The following TEK variants were observed in gnomAD, a reference collection of about 807,000 sequenced individuals.
TEK encodes angiopoietin-1 receptor.
In TEK, 43 loss-of-function variants were observed where a neutral mutation model predicts 131.8. The observed-to-expected ratio is 0.33, with a 90% CI of 0.26 to 0.42. The LOEUF (loss-of-function observed/expected upper bound fraction) is 0.42, where lower values mean the gene tolerates loss of function less well. TEK is among the 10% of genes least tolerant of loss of function. The probability of loss-of-function intolerance (pLI) is 1.00; values close to 1 mark genes in which losing one functional copy is unlikely to be tolerated. For missense variants in TEK, 1,162 were observed against 1,384.4 expected (o/e 0.84, Z 2.55); for synonymous variants, 580 against 491.6 (o/e 1.18, Z -2.38).
intron 21 of TEK, among the ~76,000 whole-genome samples, chr9:27,225,041 A>G (rs1219331748): frequency 6.6e-6 from 1 of 152,222 alleles, no homozygotes; most frequent in Non-Finnish European, 1.5e-5. Flanking sequence ...CTAGGAATCC[A>G]ACTTACAAGG....
chr9:27,164,816 A>G (rs1453314421), intron 2 of TEK, among the ~76,000 whole-genome samples: 1 of 152,216 alleles, frequency 6.6e-6, no homozygotes, highest in Non-Finnish European at 1.5e-5. Flanking sequence ...GATTAGAAGC[A>G]TGAGCCACCG....
chr9:27,160,110 C>T (rs190358982), intron 2 of TEK, among the ~76,000 whole-genome samples: 157 of 149,202 alleles, frequency 1.1e-3, no homozygotes, highest in Admixed American at 3.6e-3. Context: ...GCAGCCTTGA[C>T]CTCCCGGGCT....
intron 21 of TEK, among the ~76,000 whole-genome samples, chr9:27,225,895 A>AAAAC (rs1826304427): frequency 6.6e-6 from 1 of 151,946 alleles, no homozygotes; most frequent in African/African-American, 2.4e-5. Context: ...TTACAAGAAA[A>AAAAC]AAACAACCCC....
At chr9:27,113,650 T>C (rs1472018702) in intron 1 of TEK, among the ~76,000 whole-genome samples, 1 of 152,138 alleles carries the variant, frequency 6.6e-6, no homozygotes, top group African/African-American at 2.4e-5. Flanking sequence ...AGTGTTGCTA[T>C]GAGAACCACT....
chr9:27,186,640 C>T (rs1824608903), intron 9 of TEK, among the ~76,000 whole-genome samples: 1 of 152,196 alleles, frequency 6.6e-6, no homozygotes, highest in Non-Finnish European at 1.5e-5. Context: ...GATCTTCTGA[C>T]TCCAAACCCA....
intron 1 of TEK, among the ~76,000 whole-genome samples, chr9:27,140,364 G>A (rs1332905033): frequency 1.4e-5 from 2 of 143,218 alleles, no homozygotes; most frequent in Non-Finnish European, 3.0e-5. Flanking sequence ...AAGAAACAGG[G>A]ATCTGTTTGT....
chr9:27,133,066 G>A (rs903705697), intron 1 of TEK, among the ~76,000 whole-genome samples: 9 of 152,218 alleles, frequency 5.9e-5, no homozygotes, highest in African/African-American at 1.2e-4. Context: ...GGAAAGTAAA[G>A]TCACAGAACT....
chr9:27,167,737 C>T (rs1270520174), intron 2 of TEK, among the ~76,000 whole-genome samples: 3 of 152,234 alleles, frequency 2.0e-5, no homozygotes, highest in African/African-American at 2.4e-5. Flanking sequence ...ATTTGAGCAA[C>T]GCATGGGGCA....
Position 27,183,440 on chromosome 9 carries a change from T to G in TEK, c.1031-19T>G. The G allele has an allele frequency of 6.2e-7, 1 of 1,613,186 alleles. No homozygotes were observed. Among genetic ancestry groups the G allele is most frequent in the Non-Finnish European group, 8.5e-7 (1 of 1,179,254 alleles). On this transcript the variant is annotated intron_variant, in intron 7 of 22. Transcript: ENST00000380036. ...CTCTGTTAAATATTAGATTTCACAGTGCTGTTTTCTTCCTTCAGGCATACA... is the reference window on the plus strand; with the variant it reads ...CTCTGTTAAATATTAGATTTCACAGGGCTGTTTTCTTCCTTCAGGCATACA...
chr9:27,151,261 G>A lies in TEK; in HGVS notation c.53-6570G>A, dbSNP rs528134748. Reference sequence around the variant, plus strand: ...ATTAAAGTGTTGGAAACATGCCTGGGAACTGGATTTCTTCATGGGAGACAA... The same window carrying A: ...ATTAAAGTGTTGGAAACATGCCTGGAAACTGGATTTCTTCATGGGAGACAA... On this transcript the variant is annotated intron_variant, in intron 1 of 22. Coordinates refer to ENST00000380036, the MANE Select transcript of TEK (RefSeq NM_000459.5). Among the ~76,000 whole-genome samples, 3 of 152,244 alleles carry A rather than the reference G, an allele frequency of 2.0e-5. No homozygotes were observed. In the South Asian group the frequency reaches 6.2e-4, roughly 32 times the overall value.
chr9:27,117,251 G>A (rs901948766), intron 1 of TEK, among the ~76,000 whole-genome samples: 91 of 152,296 alleles, frequency 6.0e-4, no homozygotes, highest in Non-Finnish European at 1.9e-4. Context: ...CTGCAGGTGT[G>A]TTATTTTACA....
At chr9:27,170,873 T>C (rs1823929725) in intron 4 of TEK, among the ~76,000 whole-genome samples, 1 of 152,188 alleles carries the variant, frequency 6.6e-6, no homozygotes, top group Non-Finnish European at 1.5e-5. Flanking sequence ...GTACTACACG[T>C]TACAGGCACT....
At chr9:27,127,428 A>G (rs1026927181) in intron 1 of TEK, among the ~76,000 whole-genome samples, 7 of 152,232 alleles carry the variant, frequency 4.6e-5, no homozygotes, top group Admixed American at 3.9e-4. Context: ...TAGTGCCACA[A>G]TAAACGTGTG....
intron 11 of TEK, 41 bp from the exon 12 acceptor site, chr9:27,197,274 C>G: frequency 6.2e-7 from 1 of 1,601,098 alleles, no homozygotes; most frequent in East Asian, 2.2e-5. Context: ...CAAACTATAT[C>G]AGCCATATAT....
intron 1 of TEK, among the ~76,000 whole-genome samples, chr9:27,136,511 A>G (rs1404817560): frequency 6.6e-6 from 1 of 152,196 alleles, no homozygotes; most frequent in East Asian, 1.9e-4. Flanking sequence ...TTCTACCTCA[A>G]CTAAAACTAA....
chr9:27,150,658 T>A (rs186377972), intron 1 of TEK, among the ~76,000 whole-genome samples: 1 of 152,238 alleles, frequency 6.6e-6, no homozygotes, highest in East Asian at 1.9e-4. Flanking sequence ...GTAAAACCTC[T>A]TCCGGTGTAA....
In TEK at chr9:27,109,257, C is replaced by G. The variant is rs753498244; in HGVS notation, c.-334C>G. 1.3e-5 allele frequency: 7 copies of G among 527,978 alleles called. No individual in the cohort carries two copies. The Admixed American group carries it at 1.8e-4, about 13-fold the overall frequency. The allele number at this position is 527,978 out of a possible 1,614,324, so 32.7% of individuals were successfully genotyped here. A position where few individuals can be genotyped will look rare whatever the true frequency, so the allele number is the denominator to read the frequency against. ...CCTACAGCAGCAGCAAAAGCAGCAGCAGAAGCAACAGCAACAGATAAGTGT... is the reference window on the plus strand; with the variant it reads ...CCTACAGCAGCAGCAAAAGCAGCAGGAGAAGCAACAGCAACAGATAAGTGT... On this transcript the variant is annotated 5_prime_UTR_variant, in exon 1 of 23. Coordinates refer to ENST00000380036, the MANE Select transcript of TEK (RefSeq NM_000459.5).
At chr9:27,176,906 T>G (rs1452252424) in intron 6 of TEK, among the ~76,000 whole-genome samples, 1 of 152,238 alleles carries the variant, frequency 6.6e-6, no homozygotes, top group Non-Finnish European at 1.5e-5. Flanking sequence ...GTTTGACTTT[T>G]TCAGATTCCA....
intron 1 of TEK, among the ~76,000 whole-genome samples, chr9:27,121,317 ACT>A (rs1821778973): frequency 6.6e-6 from 1 of 152,038 alleles, no homozygotes; most frequent in African/African-American, 2.4e-5. Flanking sequence ...CAAGAGTGAA[ACT>A]CTGTCTCAAA....
Sources: allele counts gnomAD v4.1 joint callset (sites outside exome capture counted in the v4.1 genomes callset), GRCh38; gene constraint gnomAD v4.1.1; transcripts MANE v1.5; gene names NCBI Gene and HGNC (gene_info 2026-07-23, HGNC 2026-07-21).